The following LRBA variants were observed in gnomAD, a reference collection of about 807,000 sequenced individuals.
LRBA encodes LPS responsive beige-like anchor protein, also known as lipopolysaccharide-responsive and beige-like anchor protein.
LRBA carries 176 observed loss-of-function variants against 330.0 expected under a neutral mutation model. The observed-to-expected ratio is 0.53, with a 90% CI of 0.47 to 0.60. The LOEUF (loss-of-function observed/expected upper bound fraction) is 0.60, where lower values mean the gene tolerates loss of function less well. Among genes scored for constraint, LRBA ranks in the 20% least tolerant of loss-of-function variants. The pLI is 0.00. For missense variants in LRBA, 3,259 were observed against 3,444.8 expected (o/e 0.95, Z 1.35); for synonymous variants, 1,230 against 1,193.0 (o/e 1.03, Z -0.64).
chr4:150,746,892 T>A (rs762233243), intron 35 of LRBA, among the ~76,000 whole-genome samples: 1 of 152,160 alleles, frequency 6.6e-6, no homozygotes, highest in Non-Finnish European at 1.5e-5. Flanking sequence ...TTGATTATGA[T>A]AATAGCCTCC....
chr4:150,638,018 T>A (rs1216997744), intron 37 of LRBA, among the ~76,000 whole-genome samples: 2 of 152,144 alleles, frequency 1.3e-5, no homozygotes, highest in African/African-American at 4.8e-5. Flanking sequence ...TTATATTGAA[T>A]CTATAGATCA....
Position 150,461,729 on chromosome 4 carries a change from CA to C in LRBA, c.6780+5943del, listed in dbSNP as rs561878567. On this transcript the variant is annotated intron_variant, in intron 44 of 56. Coordinates refer to ENST00000651943, the MANE Select transcript of LRBA (RefSeq NM_001364905.1). ...GCCAAGATAATTGGGTTTTCATTGGCAAGTGGAATAGTTATCAATTGCATTT... is the reference window on the plus strand; with the variant it reads ...GCCAAGATAATTGGGTTTTCATTGGCAGTGGAATAGTTATCAATTGCATTT... Among the ~76,000 whole-genome samples the C allele has an allele frequency of 5.7e-4, 87 of 151,832 alleles. No individual in the cohort carries two copies. In the East Asian group the frequency reaches 0.016, roughly 28 times the overall value.
chr4:150,659,242 G>A (rs373912854), intron 37 of LRBA, among the ~76,000 whole-genome samples: 2 of 69,722 alleles, frequency 2.9e-5, no homozygotes, highest in African/African-American at 9.7e-5. Context: ...GAGCGTCTCC[G>A]CCCGGCCGCC....
rs199760725 is a variant in LRBA, at chr4:150,530,658, AT to A, written c.6331-39624del. On this transcript the variant is annotated intron_variant, in intron 40 of 56. Coordinates refer to ENST00000651943, the MANE Select transcript of LRBA (RefSeq NM_001364905.1). ...TCATTGTTTCCCCTTTCCCTGTTCC[AT>A]TTTCCCACCTCCCTACTAGTGTCAC... Among the ~76,000 whole-genome samples, 1,081 of 151,984 alleles carry A rather than the reference AT, an allele frequency of 7.1e-3. 12 individuals are homozygous for A. Among genetic ancestry groups the A allele is most frequent in the African/African-American group, 0.025 (1,036 of 41,456 alleles).
At chr4:150,548,807 A>G (rs1766191944) in intron 40 of LRBA, among the ~76,000 whole-genome samples, 1 of 152,136 alleles carries the variant, frequency 6.6e-6, no homozygotes, top group Non-Finnish European at 1.5e-5. Context: ...TATTCTCTCA[A>G]CAATTGTATG....
At chr4:150,483,150 C>T (rs1384249990) in intron 42 of LRBA, among the ~76,000 whole-genome samples, 1 of 151,924 alleles carries the variant, frequency 6.6e-6, no homozygotes, top group African/African-American at 2.4e-5. Flanking sequence ...TTTTCTGTTA[C>T]ATTTTGAGTT....
chr4:150,399,592 C>A (rs1745198466), intron 47 of LRBA, among the ~76,000 whole-genome samples: 1 of 152,058 alleles, frequency 6.6e-6, no homozygotes, highest in Non-Finnish European at 1.5e-5. Flanking sequence ...TTAAGTATGT[C>A]CACTTAAAAG....
chr4:150,792,707 A>C (rs1035399956), intron 34 of LRBA, among the ~76,000 whole-genome samples: 1 of 152,072 alleles, frequency 6.6e-6, no homozygotes, highest in Non-Finnish European at 1.5e-5. Flanking sequence ...GGGTCTTGCT[A>C]TGTTGCCCAG....
chr4:150,623,879 A>G (rs547804068), intron 37 of LRBA, among the ~76,000 whole-genome samples: 146 of 152,168 alleles, frequency 9.6e-4, no homozygotes, highest in Middle Eastern at 3.4e-3. Context: ...ATTATACTTT[A>G]AGTTTTAGGG....
intron 40 of LRBA, among the ~76,000 whole-genome samples, chr4:150,510,410 C>T (rs1000355623): frequency 6.6e-6 from 1 of 152,114 alleles, no homozygotes; most frequent in Non-Finnish European, 1.5e-5. Context: ...CAGACAAACA[C>T]AGTATAAGTA....
At chr4:150,374,909 A>G (rs1307713325) in intron 47 of LRBA, among the ~76,000 whole-genome samples, 1 of 152,224 alleles carries the variant, frequency 6.6e-6, no homozygotes, top group Non-Finnish European at 1.5e-5. Flanking sequence ...TAATATACTC[A>G]GTGTACGGTC....
intron 50 of LRBA, among the ~76,000 whole-genome samples, chr4:150,317,023 T>C (rs980233126): frequency 6.6e-6 from 1 of 152,068 alleles, no homozygotes; most frequent in Non-Finnish European, 1.5e-5. Context: ...GTGATTTGTA[T>C]GTTAATGAGC....
chr4:150,866,226 G>A (rs1231924334), intron 22 of LRBA, among the ~76,000 whole-genome samples: 4 of 152,040 alleles, frequency 2.6e-5, no homozygotes, highest in African/African-American at 7.2e-5. Flanking sequence ...AACATACACC[G>A]TAAATGAAAC....
At chr4:150,287,780 G>C (rs532184398) in intron 53 of LRBA, among the ~76,000 whole-genome samples, 1 of 152,126 alleles carries the variant, frequency 6.6e-6, no homozygotes, top group East Asian at 1.9e-4. Flanking sequence ...GCAGAACAAG[G>C]GGCTTCGTTT....
intron 8 of LRBA, among the ~76,000 whole-genome samples, chr4:150,914,579 C>T (rs573202613): frequency 6.6e-6 from 1 of 152,190 alleles, no homozygotes; most frequent in African/African-American, 2.4e-5. Flanking sequence ...GATCAAATCC[C>T]TGCATCCTAT....
intron 33 of LRBA, among the ~76,000 whole-genome samples, chr4:150,803,083 TACAC>T (rs1553964882): frequency 0.092 from 11,778 of 128,378 alleles, 910 homozygotes; most frequent in African/African-American, 0.24. Context: ...AAAATATATA[TACAC>T]ACACACACAC....
At chr4:150,961,315 T>C (rs1738120700) in intron 2 of LRBA, among the ~76,000 whole-genome samples, 1 of 149,212 alleles carries the variant, frequency 6.7e-6, no homozygotes, top group Non-Finnish European at 1.5e-5. Flanking sequence ...AAAGAACTCA[T>C]ATTTGCAGGC....
chr4:150,509,645 CAAT>C, intron 40 of LRBA, among the ~76,000 whole-genome samples: 1 of 143,460 alleles, frequency 7.0e-6, no homozygotes, highest in Non-Finnish European at 1.5e-5. Context: ...AAAAAAAGAT[CAAT>C]AAAATTGATA....
chr4:150,726,375 C>T (rs1256995343), intron 36 of LRBA, among the ~76,000 whole-genome samples: 1 of 151,970 alleles, frequency 6.6e-6, no homozygotes, highest in African/African-American at 2.4e-5. Flanking sequence ...GATTTCAAGA[C>T]AAAAATTGTA....
Sources: gnomAD v4.1 joint callset for allele counts (sites outside exome capture counted in the v4.1 genomes callset) on GRCh38, gnomAD v4.1.1 for gene constraint, MANE v1.5 for transcripts, NCBI Gene and HGNC (gene_info 2026-07-23, HGNC 2026-07-21) for gene names.